AIM2: variants seen among roughly 807,000 people sequenced by gnomAD.
AIM2 encodes the protein absent in melanoma 2.
A neutral mutation model predicts 27.7 loss-of-function variants in AIM2; 30 were observed. The observed-to-expected ratio is 1.08, with a 90% CI of 0.81 to 1.47. The LOEUF (loss-of-function observed/expected upper bound fraction) is 1.47, where lower values mean the gene tolerates loss of function less well. Ranked by LOEUF, AIM2 falls within the 40% of genes most tolerant of loss-of-function variation. The probability of loss-of-function intolerance (pLI) is 0.00; values close to 1 mark genes in which losing one functional copy is unlikely to be tolerated. For synonymous variants in AIM2, 141 were observed against 145.3 expected (o/e 0.97, Z 0.21); for missense variants, 358 against 411.3 (o/e 0.87, Z 1.12).
At position 159,063,483 on chromosome 1, in the gene AIM2, C is replaced by T. The variant is rs1570935002; in HGVS notation, c.1005+3G>A. ...AGTTGACTTTGTTCCATGCAGTTCC[C>T]ACCTTTATGGTGCTATGAACTCCAG... On this transcript the variant is annotated splice_donor_region_variant and intron_variant, in intron 5 of 5. Transcript: ENST00000368130. The T allele has an allele frequency of 6.2e-7, 1 of 1,608,518 alleles. No individual in the cohort carries two copies.
At chr1:159,129,251 CT>C (rs2102048115) in intron 1 of AIM2, among the ~76,000 whole-genome samples, 1 of 152,308 alleles carries the variant, frequency 6.6e-6, no homozygotes, top group South Asian at 2.1e-4. Context: ...TGAAAATCTG[CT>C]TACATCTTGA....
At chr1:159,127,424 C>G (rs1647721765) in intron 1 of AIM2, among the ~76,000 whole-genome samples, 1 of 152,110 alleles carries the variant, frequency 6.6e-6, no homozygotes, top group African/African-American at 2.4e-5. Flanking sequence ...TGTCTGTGTC[C>G]CCACAAAATT....
intron 1 of AIM2, among the ~76,000 whole-genome samples, chr1:159,136,709 C>T (rs539008235): frequency 1.3e-5 from 2 of 152,340 alleles, no homozygotes; most frequent in Non-Finnish European, 2.9e-5. Flanking sequence ...GACATAAACA[C>T]TGCAATCATG....
At chr1:159,074,395 A>C (rs1656503813) in intron 1 of AIM2, among the ~76,000 whole-genome samples, 1 of 152,064 alleles carries the variant, frequency 6.6e-6, no homozygotes, top group Non-Finnish European at 1.5e-5. Flanking sequence ...TTTATTTTTC[A>C]TATGAATATG....
chr1:159,102,234 G>A (rs79386295), intron 1 of AIM2, among the ~76,000 whole-genome samples: 55 of 152,362 alleles, frequency 3.6e-4, no homozygotes, highest in African/African-American at 1.2e-3. Context: ...TAGCTTCCAC[G>A]TGATTTTGGG....
chr1:159,118,138 G>A (rs996054978), intron 1 of AIM2, among the ~76,000 whole-genome samples: 8 of 152,062 alleles, frequency 5.3e-5, no homozygotes, highest in Non-Finnish European at 1.0e-4. Context: ...TTCCCAAACT[G>A]AACAACAAAT....
intron 1 of AIM2, among the ~76,000 whole-genome samples, chr1:159,124,256 C>T (rs990611705): frequency 1.3e-5 from 2 of 152,218 alleles, no homozygotes; most frequent in East Asian, 3.9e-4. Flanking sequence ...TAGAGTTTGC[C>T]TTGGCAAACT....
At chr1:159,116,577 A>C (rs914315325) in intron 1 of AIM2, among the ~76,000 whole-genome samples, 1 of 152,142 alleles carries the variant, frequency 6.6e-6, no homozygotes, top group Non-Finnish European at 1.5e-5. Context: ...GCAAACTATC[A>C]CAAGGACAAA....
At chr1:159,067,830 T>G (rs559149765) in intron 3 of AIM2, among the ~76,000 whole-genome samples, 4 of 152,022 alleles carry the variant, frequency 2.6e-5, no homozygotes, top group African/African-American at 7.2e-5. Context: ...TGAAACTGCA[T>G]GTGTGGTGGA....
upstream of AIM2, among the ~76,000 whole-genome samples, chr1:159,145,093 C>T (rs532764441): frequency 6.6e-6 from 1 of 152,248 alleles, no homozygotes; most frequent in East Asian, 1.9e-4. Context: ...TACTATCTCA[C>T]CCCTAAGGAG....
rs909204337 is a variant in AIM2, at chr1:159,073,507, C to G, written c.-8G>C. ...CTTGTATTTACTCTCCATCTGACAA[C>G]TTTGGGATCAGCCTATAAGGAATCC... On this transcript the variant is annotated 5_prime_UTR_variant, in exon 2 of 6. Transcript: ENST00000368130. 1 of 1,612,572 alleles carries G rather than the reference C, an allele frequency of 6.2e-7. No homozygotes were observed. Among genetic ancestry groups the G allele is most frequent in the Non-Finnish European group, 8.5e-7 (1 of 1,179,100 alleles).
chr1:159,112,967 C>T (rs542190924), intron 1 of AIM2, among the ~76,000 whole-genome samples: 257 of 139,470 alleles, frequency 1.8e-3, no homozygotes, highest in Middle Eastern at 3.5e-3. Context: ...TTTTTTGGGA[C>T]GGAGTCTCAC....
At chr1:159,116,149 G>A (rs909747525) in intron 1 of AIM2, among the ~76,000 whole-genome samples, 16 of 151,348 alleles carry the variant, frequency 1.1e-4, no homozygotes, top group African/African-American at 3.9e-4. Flanking sequence ...TCTCACACCT[G>A]TTAGAATGGC....
At chr1:159,128,778 A>C (rs1291158972) in intron 1 of AIM2, among the ~76,000 whole-genome samples, 1 of 152,182 alleles carries the variant, frequency 6.6e-6, no homozygotes, top group African/African-American at 2.4e-5. Flanking sequence ...ACACTGCTCC[A>C]CAAACTACAT....
Position 159,062,697 on chromosome 1 carries a change from T to G in AIM2, c.1027A>C (p.Thr343Pro), listed in dbSNP as rs770198015. The G allele has an allele frequency of 4.2e-6, 6 of 1,423,124 alleles. No homozygotes were observed. The highest frequency in any genetic ancestry group is 2.5e-5 in the East Asian group (1 of 40,490). The allele number at this position is 1,423,124 out of a possible 1,614,324, so 88.2% of individuals were successfully genotyped here. Residue 343 changes from threonine to proline, a missense_variant, in exon 6 of 6, where the codon ACA becomes CCA. Thr to Pro is a conservative substitution (Grantham distance 38, BLOSUM62 -1). Coordinates refer to ENST00000368130, the MANE Select transcript of AIM2 (RefSeq NM_004833.3). Reference protein sequence around the residue: ...TIKVIKAKKKT With the variant: ...TIKVIKAKKKP ...AATTGGTCCTTTTTACTTCTCTATG[T>G]TTTTTTTTTGGCCTTAATAACCTGG...
chr1:159,057,600 C>T (rs1655705269), downstream of AIM2, among the ~76,000 whole-genome samples: 1 of 152,198 alleles, frequency 6.6e-6, no homozygotes, highest in African/African-American at 2.4e-5. Context: ...ATTACCCATA[C>T]CTTTTGTTCT....
At chr1:159,073,015 G>A (rs547040050) in intron 2 of AIM2, among the ~76,000 whole-genome samples, 1 of 152,310 alleles carries the variant, frequency 6.6e-6, no homozygotes, top group Non-Finnish European at 1.5e-5. Flanking sequence ...CCCTAAGGCT[G>A]GAAGAAGAGA....
intron 1 of AIM2, among the ~76,000 whole-genome samples, chr1:159,121,833 C>T (rs1647541658): frequency 6.6e-6 from 1 of 152,200 alleles, no homozygotes; most frequent in African/African-American, 2.4e-5. Flanking sequence ...AAAGCCTTTA[C>T]TGTTTATACC....
At chr1:159,066,614 A>G (rs1407823409) in intron 3 of AIM2, among the ~76,000 whole-genome samples, 4 of 152,238 alleles carry the variant, frequency 2.6e-5, no homozygotes, top group Non-Finnish European at 5.9e-5. Flanking sequence ...TACTATATAT[A>G]AAGACTTCAT....
Sources: allele counts gnomAD v4.1 joint callset (sites outside exome capture counted in the v4.1 genomes callset), GRCh38; gene constraint gnomAD v4.1.1; transcripts MANE v1.5; gene names NCBI Gene and HGNC (gene_info 2026-07-23, HGNC 2026-07-21).